The following SND1 variants were observed in gnomAD, a reference collection of about 807,000 sequenced individuals.
SND1 encodes staphylococcal nuclease and tudor domain containing 1, also known as staphylococcal nuclease domain-containing protein 1.
A neutral mutation model predicts 121.7 loss-of-function variants in SND1; 38 were observed. The observed-to-expected ratio is 0.31, with a 90% CI of 0.24 to 0.41. The LOEUF is 0.41. Ranked by LOEUF, SND1 falls within the 10% of genes least tolerant of loss-of-function variation. SND1 has a pLI of 1.00. For synonymous variants in SND1, 401 were observed against 447.4 expected, an observed-to-expected ratio of 0.90 and a Z score of 1.31; for missense variants, 868 against 1,184.6, an observed-to-expected ratio of 0.73 and a Z score of 3.92.
chr7:128,071,591 A>C (rs925312488), intron 16 of SND1, among the ~76,000 whole-genome samples: 2 of 152,232 alleles, frequency 1.3e-5, no homozygotes, highest in Non-Finnish European at 2.9e-5. Context: ...AAGGATGATC[A>C]CACACATACA....
intron 10 of SND1, among the ~76,000 whole-genome samples, chr7:127,791,017 A>G (rs1428680774): frequency 1.3e-5 from 2 of 152,186 alleles, no homozygotes; most frequent in Non-Finnish European, 2.9e-5. Context: ...CAGTTAACCA[A>G]AGATCAGGGT....
chr7:128,011,074 C>T (rs964487746), intron 16 of SND1, among the ~76,000 whole-genome samples: 2 of 151,928 alleles, frequency 1.3e-5, no homozygotes, highest in African/African-American at 4.8e-5. Context: ...CCAGTGCCAA[C>T]ACCCAAGAAG....
chr7:127,973,208 G>A (rs1802039636), intron 15 of SND1, among the ~76,000 whole-genome samples: 1 of 152,186 alleles, frequency 6.6e-6, no homozygotes, highest in Non-Finnish European at 1.5e-5. Context: ...ATAACACAAG[G>A]TTTGATGAGG....
At chr7:127,753,801 A>G (rs752825864) in intron 10 of SND1, among the ~76,000 whole-genome samples, 4 of 152,128 alleles carry the variant, frequency 2.6e-5, no homozygotes, top group Non-Finnish European at 4.4e-5. Flanking sequence ...ATTTGTCTTT[A>G]CTACTGAACC....
chr7:128,085,184 G>A lies in SND1; in HGVS notation c.2234+337G>A, dbSNP rs971931148. On this transcript the variant is annotated intron_variant, in intron 19 of 23. Coordinates refer to ENST00000354725, the MANE Select transcript of SND1 (RefSeq NM_014390.4). This position sits in a 1 kb window ranked among gnomAD's most constrained non-coding sequence, Gnocchi z 4.4. ...AGGAAGAATGATGTTACAGGGGGCT[G>A]AGGTAGAGGCTGGGCTACAGTAAGC... 6.6e-6 allele frequency among the ~76,000 whole-genome samples: 1 copy of A among 152,112 alleles called. No individual in the cohort carries two copies. The highest frequency in any genetic ancestry group is 1.5e-5 in the Non-Finnish European group (1 of 68,006).
At chr7:127,722,856 A>G (rs1796520109) in intron 10 of SND1, among the ~76,000 whole-genome samples, 1 of 152,114 alleles carries the variant, frequency 6.6e-6, no homozygotes, top group African/African-American at 2.4e-5. Context: ...AAACAGTATT[A>G]TGGTAAGGTT....
intron 10 of SND1, among the ~76,000 whole-genome samples, chr7:127,797,917 T>A (rs186585721): frequency 4.6e-5 from 7 of 152,218 alleles, no homozygotes; most frequent in Non-Finnish European, 8.8e-5. Context: ...GCTCCTGCTA[T>A]TTCCTCCCCA....
intron 10 of SND1, among the ~76,000 whole-genome samples, chr7:127,727,439 A>G (rs1406824094): frequency 6.6e-6 from 1 of 152,222 alleles, no homozygotes; most frequent in Non-Finnish European, 1.5e-5. Flanking sequence ...TTGTAAAGGC[A>G]AAATGACTGG....
intron 16 of SND1, among the ~76,000 whole-genome samples, chr7:128,033,570 C>G (rs1792691695): frequency 6.6e-6 from 1 of 152,188 alleles, no homozygotes; most frequent in South Asian, 2.1e-4. Context: ...TAACCTGAAC[C>G]TCTTTAAATA....
At chr7:127,951,772 G>A (rs1225660843) in intron 15 of SND1, among the ~76,000 whole-genome samples, 1 of 152,142 alleles carries the variant, frequency 6.6e-6, no homozygotes, top group Non-Finnish European at 1.5e-5. Context: ...TCTTTTATTA[G>A]TATGTGTGGG....
At chr7:127,657,896 A>G (rs1225897160) in intron 1 of SND1, among the ~76,000 whole-genome samples, 1 of 152,202 alleles carries the variant, frequency 6.6e-6, no homozygotes, top group Non-Finnish European at 1.5e-5. Context: ...TTATTATGTA[A>G]TATATGTGTT....
At chr7:127,699,824 G>C (rs944055646) in intron 4 of SND1, among the ~76,000 whole-genome samples, 4 of 152,154 alleles carry the variant, frequency 2.6e-5, no homozygotes, top group African/African-American at 4.8e-5. Context: ...TGTAGGAAAG[G>C]CTTTAGAGAA....
intron 16 of SND1, among the ~76,000 whole-genome samples, chr7:128,010,831 G>C (rs6948605): frequency 0.21 from 31,733 of 152,090 alleles, 3,695 homozygotes; most frequent in Middle Eastern, 0.3. Context: ...GTAGTCACTA[G>C]TCACTGCTCC....
At chr7:128,055,833 A>G (rs1206003483) in intron 16 of SND1, among the ~76,000 whole-genome samples, 2 of 151,646 alleles carry the variant, frequency 1.3e-5, no homozygotes, top group African/African-American at 4.9e-5. Flanking sequence ...TTCATCCCCC[A>G]CTCGCTGGGC....
At chr7:127,960,107 T>C (rs1043282266) in intron 15 of SND1, among the ~76,000 whole-genome samples, 1 of 152,202 alleles carries the variant, frequency 6.6e-6, no homozygotes, top group African/African-American at 2.4e-5. Context: ...GCAAGACCAA[T>C]CTAGCAGCAC....
intron 1 of SND1, among the ~76,000 whole-genome samples, chr7:127,659,761 C>T (rs1473569213): frequency 6.6e-6 from 1 of 152,150 alleles, no homozygotes; most frequent in African/African-American, 2.4e-5. Flanking sequence ...CAAGTTCTGG[C>T]CTGGGTGCTG....
intron 15 of SND1, among the ~76,000 whole-genome samples, chr7:127,943,582 G>T (rs1437660002): frequency 6.6e-6 from 1 of 152,136 alleles, no homozygotes; most frequent in Admixed American, 6.5e-5. Context: ...TGGCAAAGTT[G>T]TTCTCTAGAA....
chr7:127,773,647 T>A (rs1375624852), intron 10 of SND1, among the ~76,000 whole-genome samples: 7 of 152,196 alleles, frequency 4.6e-5, no homozygotes, highest in African/African-American at 1.7e-4. Context: ...AATAGATACT[T>A]CTTGCAGTGT....
intron 16 of SND1, among the ~76,000 whole-genome samples, chr7:128,051,217 C>G (rs1436632581): frequency 1.3e-5 from 2 of 152,152 alleles, no homozygotes; most frequent in African/African-American, 4.8e-5. Context: ...ATGTTTCTGC[C>G]CCTGAGTCCA....
Sources: allele counts gnomAD v4.1 joint callset (sites outside exome capture counted in the v4.1 genomes callset), GRCh38; gene constraint gnomAD v4.1.1; non-coding constraint Gnocchi (gnomAD v3.1); transcripts MANE v1.5; gene names NCBI Gene and HGNC (gene_info 2026-07-23, HGNC 2026-07-21).